Variants in LRRC4C observed in about 807,000 individuals in gnomAD.
LRRC4C encodes leucine rich repeat containing 4C, also known as leucine-rich repeat-containing protein 4C.
A neutral mutation model predicts 33.6 loss-of-function variants in LRRC4C; 5 were observed. The observed-to-expected ratio is 0.15, with a 90% confidence interval of 0.08 to 0.31. The LOEUF is 0.31. Among genes scored for constraint, LRRC4C ranks in the 10% least tolerant of loss-of-function variants. The probability of loss-of-function intolerance (pLI) is 1.00; values close to 1 mark genes in which losing one functional copy is unlikely to be tolerated. For missense variants in LRRC4C, 560 were observed against 796.7 expected (o/e 0.70, Z 3.58); for synonymous variants, 329 against 302.0 (o/e 1.09, Z -0.93).
At chr11:40,142,120 T>TA (rs1333440440) in intron 5 of LRRC4C, among the ~76,000 whole-genome samples, 2 of 151,468 alleles carry the variant, frequency 1.3e-5, no homozygotes, top group Non-Finnish European at 2.9e-5. Context: ...CTGTCTCCAC[T>TA]AAAAATACAA....
chr11:40,413,140 A>C (rs1175615186), intron 3 of LRRC4C, among the ~76,000 whole-genome samples: 1 of 152,068 alleles, frequency 6.6e-6, no homozygotes, highest in Non-Finnish European at 1.5e-5. Flanking sequence ...TACGACTAAC[A>C]GAATCATAAA....
chr11:40,331,679 C>G (rs771317065), intron 3 of LRRC4C, among the ~76,000 whole-genome samples: 5 of 152,126 alleles, frequency 3.3e-5, no homozygotes, highest in Non-Finnish European at 5.9e-5. Flanking sequence ...AGTTTGAATT[C>G]TCTCTCTCTT....
intron 5 of LRRC4C, among the ~76,000 whole-genome samples, chr11:40,191,959 CAAAT>C (rs892438996): frequency 1.3e-5 from 2 of 151,708 alleles, no homozygotes; most frequent in African/African-American, 4.8e-5. Flanking sequence ...GACCTTGTCT[CAAAT>C]AAATAAATAA....
At chr11:40,235,988 G>A (rs941150701) in intron 5 of LRRC4C, among the ~76,000 whole-genome samples, 2 of 151,878 alleles carry the variant, frequency 1.3e-5, no homozygotes, top group African/African-American at 4.8e-5. Context: ...TAAATGCTGA[G>A]ACATTATAAA....
At chr11:40,677,452 A>G (rs1214311579) in intron 2 of LRRC4C, among the ~76,000 whole-genome samples, 1 of 152,188 alleles carries the variant, frequency 6.6e-6, no homozygotes, top group African/African-American at 2.4e-5. Context: ...TAATAGACAC[A>G]TTTAATATGT....
chr11:41,115,503 A>G (rs1942070587), intron 1 of LRRC4C, among the ~76,000 whole-genome samples: 1 of 152,072 alleles, frequency 6.6e-6, no homozygotes, highest in Non-Finnish European at 1.5e-5. Context: ...CTTTTCTGCT[A>G]AAACACACAT....
At chr11:40,552,492 C>T (rs372369262) in intron 3 of LRRC4C, among the ~76,000 whole-genome samples, 26 of 152,208 alleles carry the variant, frequency 1.7e-4, no homozygotes, top group African/African-American at 6.3e-4. Context: ...TTAAGGAACC[C>T]CCCACAATGT....
intron 1 of LRRC4C, among the ~76,000 whole-genome samples, chr11:41,435,871 AAAT>A (rs1292520460): frequency 2.6e-5 from 4 of 152,350 alleles, no homozygotes; most frequent in Non-Finnish European, 5.9e-5. Flanking sequence ...TGAATTCTTC[AAAT>A]AATAATTTTT....
At chr11:41,401,486 G>T (rs1239279113) in intron 1 of LRRC4C, among the ~76,000 whole-genome samples, 1 of 151,802 alleles carries the variant, frequency 6.6e-6, no homozygotes, top group Non-Finnish European at 1.5e-5. Flanking sequence ...CAAGGTCCTG[G>T]CTCTCATAGT....
chr11:40,355,953 T>TATA lies in LRRC4C; in HGVS notation c.-269-36233_-269-36232insTAT, dbSNP rs1947640928. On this transcript the variant is annotated intron_variant, in intron 3 of 6. Coordinates refer to ENST00000528697, the MANE Select transcript of LRRC4C (RefSeq NM_001258419.2). The stretch of plus-strand genomic sequence containing the variant: ...TTACATTCATAGTATAGTATAGTAT[T>TATA]GTATAGTATAGTATAGTATAGTACA... Among the ~76,000 whole-genome samples, 98 of 121,594 alleles carry TATA rather than the reference T, an allele frequency of 8.1e-4. 2 individuals carry two copies. The highest frequency in any genetic ancestry group is 5.0e-3 in the South Asian group (18 of 3,592). The allele number at this position is 121,594 out of a possible 152,430, so 79.8% of individuals were successfully genotyped here.
intron 2 of LRRC4C, among the ~76,000 whole-genome samples, chr11:40,727,673 T>C (rs1464823279): frequency 1.3e-5 from 2 of 152,080 alleles, no homozygotes; most frequent in Non-Finnish European, 1.5e-5. Context: ...AGGATCGATA[T>C]CCCGAACCTA....
chr11:40,637,510 T>C (rs1941825121), intron 3 of LRRC4C, among the ~76,000 whole-genome samples: 1 of 152,176 alleles, frequency 6.6e-6, no homozygotes, highest in Admixed American at 6.5e-5. Flanking sequence ...ATCTTAAACT[T>C]ACTACAGTTA....
At chr11:41,282,701 G>A (rs2136944505) in intron 1 of LRRC4C, among the ~76,000 whole-genome samples, 2 of 152,254 alleles carry the variant, frequency 1.3e-5, no homozygotes, top group South Asian at 4.1e-4. Context: ...GAAGCTAAGG[G>A]AATGCATTTT....
In LRRC4C at chr11:40,979,995, G is replaced by A. The variant is rs148698827; in HGVS notation, c.-495-46272C>T. ...GAGAAATTTCTGCGACATTTAGGTG[G>A]CATTTAAATATCTCGATCACAAAAG... is the stretch of plus-strand genomic sequence containing the variant. On this transcript the variant is annotated intron_variant, in intron 1 of 6. Coordinates refer to ENST00000528697, the MANE Select transcript of LRRC4C (RefSeq NM_001258419.2). 1.2e-4 allele frequency among the ~76,000 whole-genome samples: 18 copies of A among 152,206 alleles called. 1 individual carries two copies. The East Asian group carries it at 3.5e-3, about 29-fold the overall frequency.
intron 2 of LRRC4C, among the ~76,000 whole-genome samples, chr11:40,903,771 T>C (rs1956305353): frequency 6.6e-6 from 1 of 152,198 alleles, no homozygotes; most frequent in Non-Finnish European, 1.5e-5. Flanking sequence ...GAATCAATGA[T>C]AATTTAGTTG....
At chr11:40,348,425 T>C (rs904964586) in intron 3 of LRRC4C, among the ~76,000 whole-genome samples, 3 of 152,214 alleles carry the variant, frequency 2.0e-5, no homozygotes, top group African/African-American at 4.8e-5. Context: ...TCCCACATTT[T>C]ACAAGAGGCA....
At chr11:41,012,353 C>G (rs1044713937) in intron 1 of LRRC4C, among the ~76,000 whole-genome samples, 12 of 152,076 alleles carry the variant, frequency 7.9e-5, no homozygotes, top group African/African-American at 2.9e-4. Flanking sequence ...CTGTGCTTGG[C>G]TTATTTCACT....
At chr11:40,828,118 G>A (rs879795038) in intron 2 of LRRC4C, among the ~76,000 whole-genome samples, 1 of 149,148 alleles carries the variant, frequency 6.7e-6, no homozygotes, top group Admixed American at 6.8e-5. Context: ...AAAACGATAT[G>A]TATACTGCCC....
At chr11:40,805,919 G>T (rs1350134605) in intron 2 of LRRC4C, among the ~76,000 whole-genome samples, 1 of 152,150 alleles carries the variant, frequency 6.6e-6, no homozygotes, top group Non-Finnish European at 1.5e-5. Flanking sequence ...GGACTCAGCA[G>T]ATTTCTTGTT....
Sources: gnomAD v4.1 joint callset for allele counts (sites outside exome capture counted in the v4.1 genomes callset) on GRCh38, gnomAD v4.1.1 for gene constraint, MANE v1.5 for transcripts, NCBI Gene and HGNC (gene_info 2026-07-23, HGNC 2026-07-21) for gene names.